The following GRAMD1A variants were observed in gnomAD, a reference collection of about 807,000 sequenced individuals.
GRAMD1A encodes the protein protein Aster-A.
A neutral mutation model predicts 92.0 loss-of-function variants in GRAMD1A; 50 were observed. The observed-to-expected ratio is 0.54, with a 90% CI of 0.43 to 0.69. The LOEUF is 0.69. Among genes scored for constraint, GRAMD1A ranks in the 30% least tolerant of loss-of-function variants. GRAMD1A has a pLI of 0.00. For synonymous variants in GRAMD1A, 405 were observed against 403.6 expected (o/e 1.00, Z -0.04); for missense variants, 819 against 978.9 (o/e 0.84, Z 2.18).
At chr19:35,023,679 A>T in intron 19 of GRAMD1A, 132 bp downstream of exon 19, 1 of 814,442 alleles carries the variant, frequency 1.2e-6, no homozygotes, top group Non-Finnish European at 1.8e-6. Context: ...GAAGCCGCTC[A>T]GAGTCCCCAC....
At chr19:35,001,677 G>T (rs1054435303) in intron 1 of GRAMD1A, among the ~76,000 whole-genome samples, 1 of 151,700 alleles carries the variant, frequency 6.6e-6, no homozygotes. Flanking sequence ...GCACGATCTC[G>T]GCCCACTGCA....
At chr19:34,996,391 C>T (rs1474131353), upstream of GRAMD1A, 1 of 938,866 alleles carries the variant, frequency 1.1e-6, no homozygotes, top group Non-Finnish European at 1.5e-6. Context: ...CAGAGCACAA[C>T]CTTAGCCCCA....
intron 1 of GRAMD1A, among the ~76,000 whole-genome samples, chr19:35,005,634 C>T (rs2014755567): frequency 1.3e-5 from 2 of 152,100 alleles, no homozygotes; most frequent in African/African-American, 4.8e-5. Context: ...GGGCCACTGG[C>T]TGTTTAATTA....
At chr19:34,995,775 G>A (rs1345744468), upstream of GRAMD1A, among the ~76,000 whole-genome samples, 1 of 151,886 alleles carries the variant, frequency 6.6e-6, no homozygotes, top group Non-Finnish European at 1.5e-5. Context: ...TAGAGATAAG[G>A]TCTTGCTATG....
In GRAMD1A at chr19:35,013,680, G is replaced by A. The variant is rs938797618; in HGVS notation, c.859G>A (p.Ala287Thr). The change falls in exon 9 of 20, where the codon GCA (alanine) becomes ACA (threonine). Residue 287 changes from alanine to threonine, a missense_variant. By Grantham distance (58) the Ala-to-Thr change is moderately conservative. Coordinates refer to ENST00000317991, the MANE Select transcript of GRAMD1A (RefSeq NM_020895.5). The surrounding 1 kb of genome is among the most constrained non-coding windows in gnomAD (Gnocchi z 4.9). Reference protein sequence around the residue: ...TPNLSRASSDADHGAEEDKEE... With the variant: ...TPNLSRASSDTDHGAEEDKEE... ...CAACCTTTCCCGAGCCAGCAGCGACGCAGACCATGGGGTGAGCGGTGGGTT... is the reference window on the plus strand; with the variant it reads ...CAACCTTTCCCGAGCCAGCAGCGACACAGACCATGGGGTGAGCGGTGGGTT... 1.1e-5 allele frequency: 18 copies of A among 1,610,132 alleles called. No individual in the cohort carries two copies. Among genetic ancestry groups the A allele is most frequent in the African/African-American group, 9.4e-5 (7 of 74,832 alleles).
rs1600266345 is a variant in GRAMD1A at position 35,000,541 on chromosome 19, A to G, written c.8+55A>G. The G allele has an allele frequency of 9.0e-7, 1 of 1,105,144 alleles. No homozygotes were observed. Among genetic ancestry groups the G allele is most frequent in the Non-Finnish European group, 1.1e-6 (1 of 904,852 alleles). 68.5% of individuals were successfully genotyped at this position (1,105,144 alleles called of 1,614,324 possible). ...CCGGGCGCGCGGGGGAGGCCACCGG[A>G]GGGAGGGGGCGCCGCGGGCTTGGGG... On this transcript the variant is annotated intron_variant, in intron 1 of 19. Coordinates refer to ENST00000317991, the MANE Select transcript of GRAMD1A (RefSeq NM_020895.5). This position sits in a 1 kb window ranked among gnomAD's most constrained non-coding sequence, Gnocchi z 4.9.
intron 1 of GRAMD1A, among the ~76,000 whole-genome samples, chr19:35,006,408 G>A (rs912672059): frequency 1.2e-4 from 18 of 152,222 alleles, no homozygotes; most frequent in African/African-American, 4.3e-4. Flanking sequence ...CCTCTGTAAA[G>A]CAGGGATGGT....
intron 3 of GRAMD1A, 139 bp downstream of exon 3, chr19:35,009,582 T>A: frequency 2.3e-6 from 2 of 885,840 alleles, no homozygotes. Context: ...TGCTATTATT[T>A]ATGTGCTGTG....
intron 19 of GRAMD1A, among the ~76,000 whole-genome samples, chr19:35,025,834 C>T (rs1332597038): frequency 1.3e-5 from 2 of 152,130 alleles, no homozygotes; most frequent in African/African-American, 4.8e-5. Context: ...CCTAGGCCAT[C>T]GGGGTCACAG....
chr19:34,996,117 A>G (rs1349473119), upstream of GRAMD1A: 1 of 1,535,962 alleles, frequency 6.5e-7, no homozygotes, highest in South Asian at 1.2e-5. Context: ...CAGCGGAAGC[A>G]GCAGCCACAG....
At chr19:34,995,956 G>A (rs533297986), upstream of GRAMD1A, 441 of 1,355,654 alleles carry the variant, frequency 3.3e-4, no homozygotes, top group Non-Finnish European at 4.1e-4. Context: ...GGGCTTAAGC[G>A]GGAGCTCTAT....
At chr19:34,995,882 C>T (rs1320286938), upstream of GRAMD1A, 2 of 681,394 alleles carry the variant, frequency 2.9e-6, no homozygotes, top group South Asian at 3.9e-5. Flanking sequence ...TGCGCCTGGT[C>T]CCCAACTGTG....
chr19:35,012,155 G>C (rs1008336441), intron 7 of GRAMD1A, among the ~76,000 whole-genome samples: 1 of 152,212 alleles, frequency 6.6e-6, no homozygotes, highest in Admixed American at 6.5e-5. Flanking sequence ...TAAGTACTCA[G>C]TCATGTCAGC....
At chr19:35,022,095 T>C in intron 16 of GRAMD1A, 57 bp downstream of exon 16, 1 of 1,317,466 alleles carries the variant, frequency 7.6e-7, no homozygotes, top group Non-Finnish European at 1.1e-6. Context: ...CCTGGCTGTG[T>C]GACCTTGGGC....
chr19:35,021,520 C>T lies in GRAMD1A; in HGVS notation c.1494C>T (p.Arg498=). 1 of 1,613,934 alleles carries T rather than the reference C, an allele frequency of 6.2e-7. No homozygotes were observed. The highest frequency in any genetic ancestry group is 8.5e-7 in the Non-Finnish European group (1 of 1,179,774). Residue 498 remains arginine, a synonymous_variant, in exon 14 of 20, where the codon CGC becomes CGT. Transcript: ENST00000317991. This position sits in a 1 kb window ranked among gnomAD's most constrained non-coding sequence, Gnocchi z 5.3. ...KARLRVSSEI[R]YRKQPWSLVK... ...ACCCCAGAGTGTCTTCTGAGATCCG[C>T]TACCGAAAGCAGCCGTGGAGCCTGG...
chr19:35,019,502 C>G lies in GRAMD1A; in HGVS notation c.1444C>G (p.Leu482Val). The stretch of plus-strand genomic sequence containing the variant: ...CTACACTGCCCACCGCTACTGCATC[C>G]TGGGTCTGGCCCGGAACAAGGCGCG... ...YFYTAHRYCI[L>V]GLARNKARLR... Residue 482 changes from leucine to valine, a missense_variant, in exon 13 of 20, where the codon CTG (leucine) becomes GTG (valine). Leu to Val is a conservative substitution (Grantham distance 32). Transcript: ENST00000317991. The G allele has an allele frequency of 1.9e-6, 3 of 1,614,066 alleles. No individual in the cohort carries two copies. The highest frequency in any genetic ancestry group is 2.5e-6 in the Non-Finnish European group (3 of 1,179,954).
upstream of GRAMD1A, among the ~76,000 whole-genome samples, chr19:34,999,012 G>A (rs373728139): frequency 2.6e-5 from 4 of 152,214 alleles, no homozygotes; most frequent in African/African-American, 9.6e-5. Context: ...GTGAGGTACA[G>A]CTGGGGCAGG....
At chr19:35,001,255 T>A (rs1339248485) in intron 1 of GRAMD1A, 2 of 152,626 alleles carry the variant, frequency 1.3e-5, no homozygotes, top group East Asian at 3.9e-4. Flanking sequence ...GTAAGTTACC[T>A]GTGTGTGTCT....
Position 35,014,228 on chromosome 19 carries a change from G to T in GRAMD1A, c.910G>T (p.Asp304Tyr). The change falls in exon 10 of 20, where the codon GAC (aspartate) becomes TAC (tyrosine). Residue 304 changes from aspartate (D) to tyrosine (Y), a missense_variant. Asp to Tyr is a radical substitution (Grantham distance 160). Transcript: ENST00000317991. ...DKEEQVDSQP[D>Y]ASSSQTVTPV... ...GGAGGAGCAGGTAGACAGCCAGCCA[G>T]ACGCCTCCTCCAGCCAGACAGTGAC... is the stretch of plus-strand genomic sequence containing the variant. The T allele has an allele frequency of 6.2e-7, 1 of 1,614,074 alleles. No individual in the cohort carries two copies. Among genetic ancestry groups the T allele is most frequent in the Non-Finnish European group, 8.5e-7 (1 of 1,180,034 alleles).
Sources: allele counts gnomAD v4.1 joint callset (sites outside exome capture counted in the v4.1 genomes callset), GRCh38; gene constraint gnomAD v4.1.1; non-coding constraint Gnocchi (gnomAD v3.1); transcripts MANE v1.5; gene names NCBI Gene and HGNC (gene_info 2026-07-23, HGNC 2026-07-21).